The following SLC10A4 variants were observed in gnomAD, a reference collection of about 807,000 sequenced individuals.
The protein encoded by SLC10A4 is putative sodium/bile acid cotransporter 4.
Under a neutral mutation model 22.5 loss-of-function variants are expected in SLC10A4, and 17 were observed. The ratio of observed to expected loss-of-function variants is 0.76; its 90% CI spans 0.52 to 1.14. The LOEUF (loss-of-function observed/expected upper bound fraction) is 1.14. Among genes scored for constraint, SLC10A4 ranks in the 50% most tolerant of loss-of-function variants. The pLI is 0.00. For missense variants in SLC10A4, 548 were observed against 584.0 expected, an observed-to-expected ratio of 0.94 and a Z score of 0.64; for synonymous variants, 257 against 258.2, an observed-to-expected ratio of 1.00 and a Z score of 0.04.
Position 48,484,157 on chromosome 4 carries a change from G to T in SLC10A4, c.590+6G>T. 1.3e-6 allele frequency: 2 copies of T among 1,562,064 alleles called. No homozygotes were observed. The highest frequency in any genetic ancestry group is 8.7e-7 in the Non-Finnish European group (1 of 1,151,622). On this transcript the variant is annotated splice_donor_region_variant and intron_variant, in intron 1 of 2. Coordinates refer to ENST00000273861, the MANE Select transcript of SLC10A4 (RefSeq NM_152679.4). ...GACGGCGACATGAACCTCAGGTACG[G>T]ATCTGTCTATTCCTTGGGCATCTGT...
chr4:48,483,993 C>G lies in SLC10A4; in HGVS notation c.432C>G (p.Leu144=). The change falls in exon 1 of 3, where the codon CTC becomes CTG. Residue 144 remains leucine (L), a synonymous_variant. Coordinates refer to ENST00000273861, the MANE Select transcript of SLC10A4 (RefSeq NM_152679.4). The surrounding 1 kb of genome is among the most constrained non-coding windows in gnomAD (Gnocchi z 5.4). The part of the protein sequence containing the change: ...RRPVGALLAA[L]CQFGLLPLLA... ...CCGTGGGCGCGCTGCTGGCAGCGCT[C>G]TGCCAGTTCGGCCTCCTGCCGCTGC... 1.3e-6 allele frequency: 2 copies of G among 1,572,100 alleles called. No individual in the cohort carries two copies. Among genetic ancestry groups the G allele is most frequent in the Middle Eastern group, 3.4e-4 (2 of 5,954 alleles).
chr4:48,486,155 T>C (rs1718278672), intron 2 of SLC10A4, among the ~76,000 whole-genome samples: 1 of 152,202 alleles, frequency 6.6e-6, no homozygotes, highest in Non-Finnish European at 1.5e-5. Flanking sequence ...TCTTTTGTTT[T>C]ACTTATTTTC....
At chr4:48,487,597 A>G (rs1718302536) in intron 2 of SLC10A4, among the ~76,000 whole-genome samples, 1 of 152,158 alleles carries the variant, frequency 6.6e-6, no homozygotes, top group Admixed American at 6.5e-5. Context: ...CCTGTTTTTA[A>G]GAGGCACATT....
Position 48,483,383 on chromosome 4 carries a change from G to T in SLC10A4, c.-179G>T. 2.8e-6 allele frequency: 1 copy of T among 351,328 alleles called. No individual in the cohort carries two copies. Among genetic ancestry groups the T allele is most frequent in the East Asian group, 4.7e-5 (1 of 21,342 alleles). The allele number at this position is 351,328 out of a possible 1,614,324, so 21.8% of individuals were successfully genotyped here. On this transcript the variant is annotated 5_prime_UTR_variant, in exon 1 of 3. Transcript: ENST00000273861. The surrounding 1 kb of genome is among the most constrained non-coding windows in gnomAD (Gnocchi z 5.4). ...CTGCGCGGAGTGCCAGGCTGCGGGC[G>T]GCTGCAGACCTGGGAGCGGAGACCG... is the stretch of plus-strand genomic sequence containing the variant.
At position 48,487,819 on chromosome 4, in the gene SLC10A4, T is replaced by G. The variant is rs201111013; in HGVS notation, c.802-608T>G. Among the ~76,000 whole-genome samples, 223 of 111,382 alleles carry G rather than the reference T, an allele frequency of 2.0e-3. 1 individual carries two copies. In the East Asian group the frequency reaches 0.023, roughly 11 times the overall value. 73.1% of individuals were successfully genotyped at this position (111,382 alleles called of 152,430 possible). On this transcript the variant is annotated intron_variant, in intron 2 of 2. Transcript: ENST00000273861. ...TTTTTTTTTTTTTTTTTTTTTTTTT[T>G]GGTGAAATGGAGTGTTGCTCTGTCA... is the stretch of plus-strand genomic sequence containing the variant.
Position 48,489,392 on chromosome 4 carries a change from A to C in SLC10A4, c.*453A>C, listed in dbSNP as rs1050478380. Among the ~76,000 whole-genome samples the C allele has an allele frequency of 6.6e-6, 1 of 152,258 alleles. No homozygotes were observed. The highest frequency in any genetic ancestry group is 2.4e-5 in the African/African-American group (1 of 41,466). On this transcript the variant is annotated 3_prime_UTR_variant, in exon 3 of 3. Transcript: ENST00000273861. Reference sequence around the variant, plus strand: ...TTGAATTTTGACCTGTATTCAGAAGAATTCCAAAACAGGTCAGTTAAATAA... The same window carrying C: ...TTGAATTTTGACCTGTATTCAGAAGCATTCCAAAACAGGTCAGTTAAATAA...
chr4:48,483,705 C>G lies in SLC10A4; in HGVS notation c.144C>G (p.Leu48=). 7.0e-7 allele frequency: 1 copy of G among 1,436,954 alleles called. No homozygotes were observed. Among genetic ancestry groups the G allele is most frequent in the Admixed American group, 3.1e-5 (1 of 32,760 alleles). 89.0% of individuals were successfully genotyped at this position (1,436,954 alleles called of 1,614,324 possible). A position where few individuals can be genotyped will look rare whatever the true frequency, so the allele number is the denominator to read the frequency against. The change falls in exon 1 of 3, where the codon CTC becomes CTG. Residue 48 remains leucine, a synonymous_variant. Transcript: ENST00000273861. This position sits in a 1 kb window ranked among gnomAD's most constrained non-coding sequence, Gnocchi z 5.4. ...CCAGCGCCGGCCCCGGCCCTGGGCT[C>G]AGCCTCGGGCCGGGTCCGAGCTTCG... ...PASSAGPGPG[L]SLGPGPSFGF... is the part of the protein sequence containing the mutation.
Position 48,485,010 on chromosome 4 carries a change from G to C in SLC10A4, c.669G>C (p.Trp223Cys). 6.2e-7 allele frequency: 1 copy of C among 1,614,102 alleles called. No homozygotes were observed. Among genetic ancestry groups the C allele is most frequent in the African/African-American group, 1.3e-5 (1 of 75,010 alleles). ...GCCTGTGGATCTACAGCTGGGCTTG[G>C]ATCAACACCCCTATCGTGCAGTTAC... ...PLCLWIYSWA[W>C]INTPIVQLLP... is the part of the protein sequence containing the mutation. The change falls in exon 2 of 3, where the codon TGG becomes TGC. Residue 223 changes from tryptophan to cysteine, a missense_variant. Around this residue, in one of 3 missense-constraint regions of SLC10A4, gnomAD observed 314 missense variants for 353.2 expected, o/e 0.89. Coordinates refer to ENST00000273861, the MANE Select transcript of SLC10A4 (RefSeq NM_152679.4).
At position 48,483,436 on chromosome 4, in the gene SLC10A4, C is replaced by T; in HGVS notation, c.-126C>T. The T allele has an allele frequency of 4.2e-6, 3 of 719,536 alleles. No homozygotes were observed. Among genetic ancestry groups the T allele is most frequent in the Non-Finnish European group, 6.0e-6 (3 of 497,468 alleles). The allele number at this position is 719,536 out of a possible 1,614,324, so 44.6% of individuals were successfully genotyped here. ...CCGCCGCCCCCGACGCCGCCGAGCA[C>T]GTCAGCGGCGCGCAGCCGGGGCTCG... On this transcript the variant is annotated 5_prime_UTR_variant, in exon 1 of 3. In the 5' UTR this introduces an upstream ATG that the reference lacks. Coordinates refer to ENST00000273861, the MANE Select transcript of SLC10A4 (RefSeq NM_152679.4). The surrounding 1 kb of genome is among the most constrained non-coding windows in gnomAD (Gnocchi z 5.4).
Position 48,483,652 on chromosome 4 carries a change from G to A in SLC10A4, c.91G>A (p.Gly31Ser), listed in dbSNP as rs1392965635. The A allele has an allele frequency of 4.7e-6, 7 of 1,488,324 alleles. No individual in the cohort carries two copies. In the Admixed American group the frequency reaches 9.0e-5, roughly 19 times the overall value. The allele number at this position is 1,488,324 out of a possible 1,614,324, so 92.2% of individuals were successfully genotyped here. The change falls in exon 1 of 3, where the codon GGC becomes AGC. Residue 31 changes from glycine to serine, a missense_variant. Physicochemically the swap from Gly to Ser is moderately conservative, Grantham distance 56 (BLOSUM62 0). Transcript: ENST00000273861. The surrounding 1 kb of genome is among the most constrained non-coding windows in gnomAD (Gnocchi z 5.4). Reference sequence around the variant, plus strand: ...GCCCAATGCCAGCAGCCTGGGCCCCGGCACGGACCTCGCCCTCGCCCCTGC... The same window carrying A: ...GCCCAATGCCAGCAGCCTGGGCCCCAGCACGGACCTCGCCCTCGCCCCTGC... ...LAPNASSLGP[G>S]TDLALAPASS...
chr4:48,485,523 A>G (rs1718269527), intron 2 of SLC10A4, among the ~76,000 whole-genome samples: 1 of 152,260 alleles, frequency 6.6e-6, no homozygotes, highest in Admixed American at 6.5e-5. Context: ...TTGGTGCAGT[A>G]TTTTAGAAAT....
In SLC10A4 at chr4:48,489,126, T is replaced by C. The variant is rs1234655331; in HGVS notation, c.*187T>C. On this transcript the variant is annotated 3_prime_UTR_variant, in exon 3 of 3. Coordinates refer to ENST00000273861, the MANE Select transcript of SLC10A4 (RefSeq NM_152679.4). ...CACAAATTACAAATCAATGCTGTAATATAATTTGCACCTGGAATGGCTAAC... is the reference window on the plus strand; with the variant it reads ...CACAAATTACAAATCAATGCTGTAACATAATTTGCACCTGGAATGGCTAAC... 7 of 646,622 alleles carry C rather than the reference T, an allele frequency of 1.1e-5. No individual in the cohort carries two copies. Among genetic ancestry groups the C allele is most frequent in the Middle Eastern group, 4.4e-4 (1 of 2,254 alleles). 40.1% of individuals were successfully genotyped at this position (646,622 alleles called of 1,614,324 possible).
rs1324585675 is a variant in SLC10A4 at position 48,488,591 on chromosome 4, C to T, written c.966C>T (p.Phe322=). Reference sequence around the variant, plus strand: ...CAGGTTATGGTTTAGCTACTCTCTTCCATCTTCCACCCAACTGCAAGAGGA... The same window carrying T: ...CAGGTTATGGTTTAGCTACTCTCTTTCATCTTCCACCCAACTGCAAGAGGA... ...YASGYGLATL[F]HLPPNCKRTV... Residue 322 remains phenylalanine (F), a synonymous_variant, in exon 3 of 3, where the codon TTC becomes TTT. Coordinates refer to ENST00000273861, the MANE Select transcript of SLC10A4 (RefSeq NM_152679.4). The T allele has an allele frequency of 2.5e-6, 4 of 1,613,904 alleles. No homozygotes were observed. The highest frequency in any genetic ancestry group is 3.4e-6 in the Non-Finnish European group (4 of 1,180,026).
At chr4:48,488,288 G>A in intron 2 of SLC10A4, 139 bp from the exon 3 acceptor site, 1 of 730,674 alleles carries the variant, frequency 1.4e-6, no homozygotes, top group South Asian at 2.6e-5. Flanking sequence ...GAGGTGGCCT[G>A]CCCATCTTCA....
chr4:48,484,212 G>A, intron 1 of SLC10A4, 61 bp downstream of exon 1: 2 of 1,464,712 alleles, frequency 1.4e-6, no homozygotes, highest in Non-Finnish European at 1.8e-6. Context: ...TACGGCCGTG[G>A]GCTCACGACG....
intron 2 of SLC10A4, among the ~76,000 whole-genome samples, chr4:48,487,148 T>C (rs1236745468): frequency 6.6e-6 from 1 of 152,224 alleles, no homozygotes; most frequent in Non-Finnish European, 1.5e-5. Flanking sequence ...GAGTGAAATG[T>C]ACCAGTCAGA....
Position 48,483,546 on chromosome 4 carries a change from C to T in SLC10A4, c.-16C>T. On this transcript the variant is annotated 5_prime_UTR_variant, in exon 1 of 3. Coordinates refer to ENST00000273861, the MANE Select transcript of SLC10A4 (RefSeq NM_152679.4). The surrounding 1 kb of genome is among the most constrained non-coding windows in gnomAD (Gnocchi z 5.4). ...CGCGGCGGGAGGGGACCGGAATCCG[C>T]AGCTCCGGCCGCGCCATGGACGGCA... 4 of 1,490,408 alleles carry T rather than the reference C, an allele frequency of 2.7e-6. No homozygotes were observed. The highest frequency in any genetic ancestry group is 3.6e-6 in the Non-Finnish European group (4 of 1,124,452). 92.3% of individuals were successfully genotyped at this position (1,490,408 alleles called of 1,614,324 possible).
At position 48,488,843 on chromosome 4, in the gene SLC10A4, T is replaced by TA. The variant is rs1560481246; in HGVS notation, c.1224dup (p.Leu409ThrfsTer52). ...AAGATGAAGATACAGATATTTCTTATAAAAAACTAAAAGAAGAGGAAATGG... is the reference window on the plus strand; with the variant it reads ...AAGATGAAGATACAGATATTTCTTATAAAAAAACTAAAAGAAGAGGAAATGG... On this transcript the variant is annotated frameshift_variant, in exon 3 of 3. Transcript: ENST00000273861. LOFTEE classifies it high-confidence loss of function. 6.8e-6 allele frequency: 11 copies of TA among 1,613,780 alleles called. No homozygotes were observed. Among genetic ancestry groups the TA allele is most frequent in the Non-Finnish European group, 9.3e-6 (11 of 1,179,942 alleles).
At chr4:48,484,217 A>C in intron 1 of SLC10A4, 66 bp downstream of exon 1, 4 of 1,438,730 alleles carry the variant, frequency 2.8e-6, no homozygotes, top group Non-Finnish European at 3.7e-6. Flanking sequence ...CCGTGGGCTC[A>C]CGACGAAGGA....
Sources: gnomAD v4.1 joint callset for allele counts (sites outside exome capture counted in the v4.1 genomes callset) on GRCh38, gnomAD v4.1.1 for gene constraint, gnomAD v4.1.1 regional missense constraint, Gnocchi (gnomAD v3.1) non-coding constraint, MANE v1.5 for transcripts, NCBI Gene and HGNC (gene_info 2026-07-23, HGNC 2026-07-21) for gene names.